Variants in NRP1 observed in about 807,000 individuals in gnomAD.
The protein encoded by NRP1 is neuropilin-1.
A neutral mutation model predicts 106.7 loss-of-function variants in NRP1; 35 were observed. The ratio of observed to expected loss-of-function variants is 0.33; its 90% CI spans 0.25 to 0.43. The LOEUF is 0.43. Among genes scored for constraint, NRP1 ranks in the 20% least tolerant of loss-of-function variants. The pLI is 1.00. For missense variants in NRP1, 1,024 were observed against 1,170.4 expected (o/e 0.87, Z 1.83); for synonymous variants, 437 against 417.9 (o/e 1.05, Z -0.56).
chr10:33,185,804 G>T, intron 14 of NRP1, 80 bp from the exon 15 acceptor site: 1 of 1,191,016 alleles, frequency 8.4e-7, no homozygotes. Flanking sequence ...TTCAGCTCCA[G>T]CTACGGCACA....
At chr10:33,307,027 T>C (rs1588964117) in intron 2 of NRP1, among the ~76,000 whole-genome samples, 1 of 152,224 alleles carries the variant, frequency 6.6e-6, no homozygotes, top group African/African-American at 2.4e-5. Context: ...ACTCTGCATA[T>C]GTTGAAATGA....
In NRP1 at chr10:33,199,105, A is replaced by G. The variant is rs374903105; in HGVS notation, c.1865-1396T>C. Among the ~76,000 whole-genome samples the G allele has an allele frequency of 9.2e-4, 140 of 152,132 alleles. 1 individual carries two copies. The Middle Eastern group carries it at 0.02, about 22-fold the overall frequency. On this transcript the variant is annotated intron_variant, in intron 11 of 16. Coordinates refer to ENST00000374867, the MANE Select transcript of NRP1 (RefSeq NM_003873.7). Reference sequence around the variant, plus strand: ...AGTGTTCTTAAACTTGCCCAACCATAAGAATCACCAGAATGCTTGTTGAAA... The same window carrying G: ...AGTGTTCTTAAACTTGCCCAACCATGAGAATCACCAGAATGCTTGTTGAAA...
intron 13 of NRP1, among the ~76,000 whole-genome samples, chr10:33,191,645 G>A (rs1836420605): frequency 1.3e-5 from 2 of 152,088 alleles, no homozygotes; most frequent in South Asian, 4.2e-4. Flanking sequence ...TTCCATTTGT[G>A]AATATGTTTG....
chr10:33,225,719 T>C (rs747634399), intron 7 of NRP1, among the ~76,000 whole-genome samples: 2 of 152,182 alleles, frequency 1.3e-5, no homozygotes, highest in South Asian at 4.1e-4. Flanking sequence ...CCACAGTAGA[T>C]AGATGAAAAG....
rs34194923 is a variant in NRP1 at position 33,238,905 on chromosome 10, CTGTGTG to C, written c.982-12622_982-12617del. Among the ~76,000 whole-genome samples, 11 of 148,714 alleles carry C rather than the reference CTGTGTG, an allele frequency of 7.4e-5. 1 individual carries two copies. Among genetic ancestry groups the C allele is most frequent in the African/African-American group, 2.2e-4 (9 of 40,428 alleles). Reference sequence around the variant, plus strand: ...TTTTGGGTAATTGGAGTGGGTGCCTCTGTGTGTGTGTGTGTGTGTGTGTGTGTATGT... The same window carrying C: ...TTTTGGGTAATTGGAGTGGGTGCCTCTGTGTGTGTGTGTGTGTGTGTATGT... On this transcript the variant is annotated intron_variant, in intron 6 of 16. Transcript: ENST00000374867.
At chr10:33,324,104 A>G (rs17296492) in intron 2 of NRP1, among the ~76,000 whole-genome samples, 6,863 of 152,308 alleles carry the variant, frequency 0.045, 217 homozygotes, top group Non-Finnish European at 0.068. Flanking sequence ...ATTCATTATG[A>G]TCAAATGTGA....
intron 2 of NRP1, among the ~76,000 whole-genome samples, chr10:33,276,113 T>G (rs1843674438): frequency 1.3e-5 from 2 of 152,240 alleles, no homozygotes; most frequent in African/African-American, 4.8e-5. Context: ...GTAGTGACAT[T>G]ATGTTCCTTA....
intron 4 of NRP1, among the ~76,000 whole-genome samples, chr10:33,262,891 A>C (rs1386811239): frequency 6.6e-6 from 1 of 152,100 alleles, no homozygotes; most frequent in African/African-American, 2.4e-5. Context: ...TGTAACGTGC[A>C]TTGTTTATTG....
intron 2 of NRP1, among the ~76,000 whole-genome samples, chr10:33,283,446 T>C (rs1009576130): frequency 1.3e-5 from 2 of 152,222 alleles, no homozygotes; most frequent in Non-Finnish European, 2.9e-5. Flanking sequence ...AAATATCCTC[T>C]ATATGCCCAA....
chr10:33,295,430 AG>A (rs1344530193), intron 2 of NRP1, among the ~76,000 whole-genome samples: 1 of 152,246 alleles, frequency 6.6e-6, no homozygotes, highest in Non-Finnish European at 1.5e-5. Context: ...TTCCCAGACC[AG>A]GTGCAGTGGC....
chr10:33,232,638 CTTTTTTTTTTTTT>C (rs71030049), intron 6 of NRP1, among the ~76,000 whole-genome samples: 2 of 94,210 alleles, frequency 2.1e-5, no homozygotes, highest in Non-Finnish European at 4.0e-5. Flanking sequence ...TTTTCTTTTC[CTTTTTTTTTTTTT>C]TTTTTTTTTT....
At chr10:33,281,743 G>A (rs1588912674) in intron 2 of NRP1, among the ~76,000 whole-genome samples, 1 of 152,278 alleles carries the variant, frequency 6.6e-6, no homozygotes, top group African/African-American at 2.4e-5. Context: ...ATCCCAGGGA[G>A]AAATAAACGA....
At chr10:33,242,458 G>T (rs1268225134) in intron 6 of NRP1, among the ~76,000 whole-genome samples, 2 of 152,072 alleles carry the variant, frequency 1.3e-5, no homozygotes, top group African/African-American at 4.8e-5. Context: ...GATTAGTTTT[G>T]ATTTTTAAAG....
At chr10:33,274,599 G>C (rs1843550163) in intron 2 of NRP1, among the ~76,000 whole-genome samples, 1 of 152,146 alleles carries the variant, frequency 6.6e-6, no homozygotes, top group Non-Finnish European at 1.5e-5. Flanking sequence ...GTTTTCTCTG[G>C]TGAGTACAAG....
At chr10:33,296,220 G>A (rs1192797785) in intron 2 of NRP1, among the ~76,000 whole-genome samples, 1 of 152,208 alleles carries the variant, frequency 6.6e-6, no homozygotes, top group Non-Finnish European at 1.5e-5. Flanking sequence ...GAAATACTGT[G>A]TTTTCTTTCA....
At chr10:33,203,019 T>G (rs374304776) in intron 10 of NRP1, 24 bp from the exon 11 acceptor site, 48 of 1,591,286 alleles carry the variant, frequency 3.0e-5, no homozygotes, top group Non-Finnish European at 3.9e-5. Flanking sequence ...CAAGGATTAT[T>G]ATCTCACACC....
At chr10:33,259,819 A>G (rs965412163) in intron 4 of NRP1, among the ~76,000 whole-genome samples, 7 of 152,196 alleles carry the variant, frequency 4.6e-5, no homozygotes, top group Non-Finnish European at 2.9e-5. Context: ...GTGAAAAAAT[A>G]AAAGTGCTGA....
chr10:33,324,615 T>TATATCCA (rs761646958), intron 2 of NRP1, among the ~76,000 whole-genome samples: 5,764 of 152,258 alleles, frequency 0.038, 352 homozygotes, highest in African/African-American at 0.13. Context: ...ACTTTCACTG[T>TATATCCA]CTATGTTCAA....
chr10:33,315,381 G>A (rs1846949567), intron 2 of NRP1, among the ~76,000 whole-genome samples: 1 of 152,234 alleles, frequency 6.6e-6, no homozygotes, highest in Non-Finnish European at 1.5e-5. Flanking sequence ...TTTGTCCAGA[G>A]AGCTGACTTG....
Sources: gnomAD v4.1 joint callset for allele counts (sites outside exome capture counted in the v4.1 genomes callset) on GRCh38, gnomAD v4.1.1 for gene constraint, MANE v1.5 for transcripts, NCBI Gene and HGNC (gene_info 2026-07-23, HGNC 2026-07-21) for gene names.